The following PHACTR1 variants were observed in gnomAD, a reference collection of about 807,000 sequenced individuals.
The protein encoded by PHACTR1 is RPEL repeat containing 1.
A neutral mutation model predicts 69.2 loss-of-function variants in PHACTR1; 16 were observed. The observed-to-expected ratio is 0.23, with a 90% confidence interval of 0.16 to 0.35. PHACTR1 has a LOEUF of 0.35. PHACTR1 is among the 10% of genes least tolerant of loss of function. PHACTR1 has a pLI of 1.00. For missense variants in PHACTR1, 510 were observed against 734.7 expected (o/e 0.69, Z 3.54); for synonymous variants, 312 against 284.5 (o/e 1.10, Z -0.97).
intron 4 of PHACTR1, among the ~76,000 whole-genome samples, chr6:12,786,268 C>T (rs1771530535): frequency 6.6e-6 from 1 of 152,162 alleles, no homozygotes; most frequent in Admixed American, 6.6e-5. Flanking sequence ...TCTTTTATCT[C>T]GTGTTTCTTG....
intron 5 of PHACTR1, among the ~76,000 whole-genome samples, chr6:13,076,615 A>G (rs1308729112): frequency 6.6e-6 from 1 of 152,136 alleles, no homozygotes; most frequent in Middle Eastern, 3.2e-3. Context: ...AAAAAATGCA[A>G]TTCCTTCCTC....
chr6:13,230,573 G>A (rs1320477356), intron 10 of PHACTR1, among the ~76,000 whole-genome samples: 2 of 146,510 alleles, frequency 1.4e-5, no homozygotes, highest in Admixed American at 6.8e-5. Flanking sequence ...AAAAGGAAGA[G>A]ACAATGGAAA....
chr6:12,825,937 G>A (rs1258735818), intron 4 of PHACTR1, among the ~76,000 whole-genome samples: 2 of 152,058 alleles, frequency 1.3e-5, no homozygotes, highest in East Asian at 1.9e-4. Context: ...GAAACATTTA[G>A]GAGGGGACTT....
At chr6:13,172,588 G>A (rs1760771129) in intron 6 of PHACTR1, among the ~76,000 whole-genome samples, 1 of 152,228 alleles carries the variant, frequency 6.6e-6, no homozygotes, top group Non-Finnish European at 1.5e-5. Context: ...GGGAAGTGCA[G>A]CTGAAACAAG....
intron 4 of PHACTR1, among the ~76,000 whole-genome samples, chr6:12,808,772 C>CCTTCTCCTTCTCCTCCTTCTT (rs1480863301): frequency 1.7e-5 from 1 of 59,700 alleles, no homozygotes; most frequent in Non-Finnish European, 3.5e-5. Context: ...TTCTTCTTCT[C>CCTTCTCCTTCTCCTCCTTCTT]CTTCTCCTTC....
intron 4 of PHACTR1, among the ~76,000 whole-genome samples, chr6:12,886,897 A>G (rs1783695946): frequency 6.6e-6 from 1 of 151,846 alleles, no homozygotes; most frequent in African/African-American, 2.4e-5. Flanking sequence ...GAGGGATGGG[A>G]GGTGTGAATC....
chr6:13,007,658 CTTTTTTTTT>C (rs55855505), intron 4 of PHACTR1, among the ~76,000 whole-genome samples: 1 of 111,598 alleles, frequency 9.0e-6, no homozygotes, highest in Non-Finnish European at 1.9e-5. Context: ...TTTGGAGATC[CTTTTTTTTT>C]TTTTTTTTTT....
rs1436310640 is a variant in PHACTR1, at chr6:12,812,523, A to AT, written c.250+62734dup. Among the ~76,000 whole-genome samples, 12 of 152,344 alleles carry AT rather than the reference A, an allele frequency of 7.9e-5. No homozygotes were observed. In the East Asian group the frequency reaches 2.1e-3, roughly 27 times the overall value. On this transcript the variant is annotated intron_variant, in intron 4 of 14. Transcript: ENST00000332995. ...TGTCTAGCCTAAGTTTATAAAGCAAATAAACCACCCAACAAGGCCTAGGAT... is the reference window on the plus strand; with the variant it reads ...TGTCTAGCCTAAGTTTATAAAGCAAATTAAACCACCCAACAAGGCCTAGGAT...
intron 3 of PHACTR1, among the ~76,000 whole-genome samples, chr6:12,745,614 A>G (rs1765687702): frequency 6.6e-6 from 1 of 152,234 alleles, no homozygotes; most frequent in South Asian, 2.1e-4. Flanking sequence ...AGACTTAAAA[A>G]ATAGGAAATC....
At chr6:12,962,814 A>T (rs940666721) in intron 4 of PHACTR1, among the ~76,000 whole-genome samples, 1 of 152,160 alleles carries the variant, frequency 6.6e-6, no homozygotes, top group Non-Finnish European at 1.5e-5. Flanking sequence ...TCACTGTTTC[A>T]TCACTTACAG....
At chr6:13,044,859 A>G (rs1382805193) in intron 4 of PHACTR1, among the ~76,000 whole-genome samples, 1 of 152,198 alleles carries the variant, frequency 6.6e-6, no homozygotes, top group Non-Finnish European at 1.5e-5. Context: ...CTTAGCAGAT[A>G]ATGTCCTACC....
chr6:13,189,427 C>T (rs1763221306), intron 7 of PHACTR1, among the ~76,000 whole-genome samples: 2 of 147,902 alleles, frequency 1.4e-5, no homozygotes, highest in African/African-American at 2.5e-5. Flanking sequence ...GAGACAGGAT[C>T]TCACTGTATC....
rs181848180 is a variant in PHACTR1, at chr6:12,812,827, C to T, written c.250+63037C>T. ...TACAGAAATTCCCGTTGCACTTCAG[C>T]GGTGTGTAATTGGACTTTCATCAAA... On this transcript the variant is annotated intron_variant, in intron 4 of 14. Transcript: ENST00000332995. Among the ~76,000 whole-genome samples, 145 of 152,280 alleles carry T rather than the reference C, an allele frequency of 9.5e-4. 1 individual carries two copies. Among genetic ancestry groups the T allele is most frequent in the Non-Finnish European group, 1.5e-3 (101 of 68,004 alleles).
At chr6:12,774,622 G>C (rs1385874638) in intron 4 of PHACTR1, among the ~76,000 whole-genome samples, 1 of 152,102 alleles carries the variant, frequency 6.6e-6, no homozygotes, top group Non-Finnish European at 1.5e-5. Context: ...TCAAACTCCT[G>C]ACCTCCTGAC....
chr6:13,158,174 G>A (rs540217386), intron 5 of PHACTR1, among the ~76,000 whole-genome samples: 1 of 152,094 alleles, frequency 6.6e-6, no homozygotes, highest in South Asian at 2.1e-4. Flanking sequence ...GAACCCCCGC[G>A]CCCGGCTGCT....
chr6:12,950,764 C>T (rs1360783393), intron 4 of PHACTR1, among the ~76,000 whole-genome samples: 1 of 152,164 alleles, frequency 6.6e-6, no homozygotes, highest in African/African-American at 2.4e-5. Flanking sequence ...CTTAGAACTT[C>T]CCCCCAGTTT....
rs151123633 is a variant in PHACTR1 at position 13,206,934 on chromosome 6, G to GT, written c.986+808dup. Among the ~76,000 whole-genome samples the GT allele has an allele frequency of 7.4e-4, 111 of 149,562 alleles. 2 individuals are homozygous for GT. Among genetic ancestry groups the GT allele is most frequent in the South Asian group, 4.9e-3 (23 of 4,684 alleles). ...GATGGCCCCAGCTGGGAATCAGTTT[G>GT]TTTTTTTTTTCTCATCAATGTTATG... On this transcript the variant is annotated intron_variant, in intron 8 of 14. Coordinates refer to ENST00000332995, the MANE Select transcript of PHACTR1 (RefSeq NM_030948.6).
chr6:13,270,981 G>GT (rs1190303632), intron 10 of PHACTR1, among the ~76,000 whole-genome samples: 1 of 151,582 alleles, frequency 6.6e-6, no homozygotes, highest in Non-Finnish European at 1.5e-5. Context: ...GAGAGAGAGA[G>GT]TGAGCAGGGA....
rs1778679169 is a variant in PHACTR1 at position 13,275,415 on chromosome 6, A to C, written c.1447+2500A>C. ...TGGGTTGGTCAATGGCTTTGAACTA[A>C]AGGTATCAATTCTGTAGGTGGTAGC... On this transcript the variant is annotated intron_variant, in intron 11 of 14. Transcript: ENST00000332995. This position sits in a 1 kb window ranked among gnomAD's most constrained non-coding sequence, Gnocchi z 4.0. 6.6e-6 allele frequency: 1 copy of C among 152,190 alleles called. No individual in the cohort carries two copies. Among genetic ancestry groups the C allele is most frequent in the Non-Finnish European group, 1.5e-5 (1 of 68,062 alleles). 9.4% of individuals were successfully genotyped at this position (152,190 alleles called of 1,614,324 possible). A position where few individuals can be genotyped will look rare whatever the true frequency, so the allele number is the denominator to read the frequency against.
Sources: allele counts gnomAD v4.1 joint callset (sites outside exome capture counted in the v4.1 genomes callset), GRCh38; gene constraint gnomAD v4.1.1; non-coding constraint Gnocchi (gnomAD v3.1); transcripts MANE v1.5; gene names NCBI Gene and HGNC (gene_info 2026-07-23, HGNC 2026-07-21).